Variants in LRRC2 observed in about 807,000 individuals in gnomAD.
LRRC2 encodes leucine-rich repeat-containing protein 2.
In LRRC2, 27 loss-of-function variants were observed where a neutral mutation model predicts 40.2. The ratio of observed to expected loss-of-function variants is 0.67; its 90% confidence interval spans 0.49 to 0.93. The LOEUF (loss-of-function observed/expected upper bound fraction) is 0.93, where lower values mean the gene tolerates loss of function less well. Ranked by LOEUF, LRRC2 falls within the 40% of genes least tolerant of loss-of-function variation. The pLI is 0.00. For missense variants in LRRC2, 402 were observed against 439.6 expected (o/e 0.91, Z 0.76); for synonymous variants, 147 against 158.9 (o/e 0.92, Z 0.56).
intron 7 of LRRC2, among the ~76,000 whole-genome samples, chr3:46,523,684 T>C (rs34026344): frequency 1.1e-3 from 162 of 152,112 alleles, no homozygotes; most frequent in Non-Finnish European, 8.4e-4. Flanking sequence ...TCCACCCATC[T>C]ATCCACCCAT....
intron 5 of LRRC2, among the ~76,000 whole-genome samples, chr3:46,531,151 AT>A (rs11359778): frequency 0.66 from 91,881 of 138,882 alleles, 32,004 homozygotes; most frequent in Non-Finnish European, 0.79. Context: ...TTATAGTTAG[AT>A]TTTTTTTTTT....
At chr3:46,552,444 T>C (rs1192554600) in intron 1 of LRRC2, among the ~76,000 whole-genome samples, 1 of 152,106 alleles carries the variant, frequency 6.6e-6, no homozygotes, top group Admixed American at 6.5e-5. Context: ...CCCCTTTTGT[T>C]GGTAGAAATT....
chr3:46,553,287 T>C (rs866957177), intron 1 of LRRC2, among the ~76,000 whole-genome samples: 1 of 152,232 alleles, frequency 6.6e-6, no homozygotes, highest in South Asian at 2.1e-4. Context: ...GATATTGTTT[T>C]GAAATTCCCT....
At chr3:46,547,804 A>T (rs9808967) in intron 2 of LRRC2, among the ~76,000 whole-genome samples, 12,243 of 152,096 alleles carry the variant, frequency 0.08, 575 homozygotes, top group South Asian at 0.17. Context: ...CTCTGGGAGA[A>T]GTTGTAGTGG....
rs115454478 is a variant in LRRC2 at position 46,543,301 on chromosome 3, T to C, written c.333+1745A>G. On this transcript the variant is annotated intron_variant, in intron 3 of 8. Coordinates refer to ENST00000395905, the MANE Select transcript of LRRC2 (RefSeq NM_024512.5). ...GAATTCTAACCATCTTCCCATTCCC[T>C]TTACCATACCGGGCACATTAAACAC... 4.5e-3 allele frequency among the ~76,000 whole-genome samples: 691 copies of C among 152,190 alleles called. 11 individuals carry two copies. The highest frequency in any genetic ancestry group is 0.015 in the African/African-American group (641 of 41,514).
At position 46,532,810 on chromosome 3, in the gene LRRC2, C is replaced by A; in HGVS notation, c.590G>T (p.Cys197Phe). ...CTCCATTAATTCTAGATTTCCAGAA[C>A]AATCCAGTCTCTCTAGATTTTCACA... The part of the protein sequence containing the change: ...GDCENLERLD[C>F]SGNLELMELP... Residue 197 changes from cysteine (C) to phenylalanine (F), a missense_variant, in exon 5 of 9, where the codon TGT becomes TTT. Coordinates refer to ENST00000395905, the MANE Select transcript of LRRC2 (RefSeq NM_024512.5). The A allele has an allele frequency of 6.2e-7, 1 of 1,613,836 alleles. No individual in the cohort carries two copies. The highest frequency in any genetic ancestry group is 8.5e-7 in the Non-Finnish European group (1 of 1,179,802).
rs768212208 is a variant in LRRC2 at position 46,539,243 on chromosome 3, G to A, written c.334-42C>T. 3.4e-5 allele frequency: 54 copies of A among 1,585,468 alleles called. No homozygotes were observed. The Admixed American group carries it at 6.6e-4, about 20-fold the overall frequency. On this transcript the variant is annotated intron_variant, in intron 3 of 8. Coordinates refer to ENST00000395905, the MANE Select transcript of LRRC2 (RefSeq NM_024512.5). ...GACATCAATCAGAACTAGCTCCTCC[G>A]TGTGCACAAAGCCGTGTAAAACCAA...
chr3:46,545,401 G>A, intron 2 of LRRC2, 148 bp from the exon 3 acceptor site: 1 of 658,276 alleles, frequency 1.5e-6, no homozygotes, highest in South Asian at 1.9e-5. Context: ...TCCCTGCTGT[G>A]GGGGTGCAGG....
At chr3:46,552,474 T>G (rs1490641182) in intron 1 of LRRC2, among the ~76,000 whole-genome samples, 1 of 152,106 alleles carries the variant, frequency 6.6e-6, no homozygotes, top group Non-Finnish European at 1.5e-5. Flanking sequence ...GATATTTGAG[T>G]GTTCTTTCCT....
At chr3:46,525,064 T>C (rs887327160) in intron 7 of LRRC2, among the ~76,000 whole-genome samples, 41 of 151,036 alleles carry the variant, frequency 2.7e-4, no homozygotes, top group African/African-American at 1.0e-3. Flanking sequence ...CCCTTCTAAA[T>C]GTACTGTAAT....
intron 1 of LRRC2, chr3:46,559,358 G>T (rs1704884740): frequency 6.6e-6 from 1 of 152,172 alleles, no homozygotes; most frequent in Non-Finnish European, 1.5e-5. Context: ...AAACCAAAAA[G>T]CCAAAGTAAA....
At chr3:46,550,998 C>T (rs1404078966) in intron 2 of LRRC2, 6 of 152,188 alleles carry the variant, frequency 3.9e-5, no homozygotes, top group Non-Finnish European at 8.8e-5. Flanking sequence ...ATATGATAGG[C>T]AAATGACACC....
intron 1 of LRRC2, among the ~76,000 whole-genome samples, chr3:46,556,240 C>A (rs974764397): frequency 5.9e-5 from 9 of 152,082 alleles, no homozygotes; most frequent in African/African-American, 2.2e-4. Flanking sequence ...CCATCTCAGC[C>A]TCTCAAGTAG....
At chr3:46,553,313 G>A (rs545565307) in intron 1 of LRRC2, among the ~76,000 whole-genome samples, 1 of 152,264 alleles carries the variant, frequency 6.6e-6, no homozygotes, top group African/African-American at 2.4e-5. Flanking sequence ...CAGCAGCAAA[G>A]TCTTGCTAAA....
chr3:46,549,609 C>T (rs1704599350), intron 2 of LRRC2, among the ~76,000 whole-genome samples: 1 of 152,210 alleles, frequency 6.6e-6, no homozygotes, highest in African/African-American at 2.4e-5. Flanking sequence ...CCAAGTCAAG[C>T]TCAATCCTAT....
At chr3:46,536,333 G>A (rs1256942462) in intron 4 of LRRC2, among the ~76,000 whole-genome samples, 2 of 152,170 alleles carry the variant, frequency 1.3e-5, no homozygotes, top group Non-Finnish European at 2.9e-5. Context: ...GAGTGCCTTG[G>A]AATAATCACT....
intron 8 of LRRC2, among the ~76,000 whole-genome samples, chr3:46,520,917 C>CA (rs1196308738): frequency 6.6e-6 from 1 of 152,130 alleles, no homozygotes; most frequent in African/African-American, 2.4e-5. Flanking sequence ...TTAAGGCTTC[C>CA]AGAACACCAT....
intron 2 of LRRC2, 86 bp from the exon 3 acceptor site, chr3:46,545,339 G>GGTGC: frequency 8.7e-7 from 1 of 1,145,682 alleles, no homozygotes; most frequent in Non-Finnish European, 1.3e-6. Flanking sequence ...CCTGGGCATA[G>GGTGC]GTGCTCTCCT....
At chr3:46,522,478 AG>A (rs1358982319) in intron 7 of LRRC2, among the ~76,000 whole-genome samples, 1 of 152,098 alleles carries the variant, frequency 6.6e-6, no homozygotes, top group Non-Finnish European at 1.5e-5. Flanking sequence ...TAGGAAGCCA[AG>A]GCAGGAGGAT....
Sources: allele counts gnomAD v4.1 joint callset (sites outside exome capture counted in the v4.1 genomes callset), GRCh38; gene constraint gnomAD v4.1.1; transcripts MANE v1.5; gene names NCBI Gene and HGNC (gene_info 2026-07-23, HGNC 2026-07-21).